The following MAGI3 variants were observed in gnomAD, a reference collection of about 807,000 sequenced individuals.
The protein encoded by MAGI3 is membrane associated guanylate kinase, WW and PDZ domain containing 3, also known as membrane-associated guanylate kinase, WW and PDZ domain-containing protein 3.
In MAGI3, 43 loss-of-function variants were observed where a neutral mutation model predicts 121.8. The observed-to-expected ratio is 0.35, with a 90% confidence interval of 0.28 to 0.46. The LOEUF is 0.46. Ranked by LOEUF, MAGI3 falls within the 20% of genes least tolerant of loss-of-function variation. The pLI is 1.00. For synonymous variants in MAGI3, 553 were observed against 639.3 expected (o/e 0.86, Z 2.04); for missense variants, 1,547 against 1,797.3 (o/e 0.86, Z 2.52).
chr1:113,472,288 C>T (rs566729370), intron 1 of MAGI3, among the ~76,000 whole-genome samples: 88 of 151,762 alleles, frequency 5.8e-4, no homozygotes, highest in African/African-American at 1.8e-3. Flanking sequence ...CTGCAAGCTC[C>T]GCCTCCCGGG....
chr1:113,547,866 C>G (rs1659607373), intron 1 of MAGI3, among the ~76,000 whole-genome samples: 1 of 152,116 alleles, frequency 6.6e-6, no homozygotes, highest in African/African-American at 2.4e-5. Flanking sequence ...TGGTAAATAT[C>G]TTTCAGGTTT....
rs138217257 is a variant in MAGI3 at position 113,481,709 on chromosome 1, G to T, written c.317-67806G>T. 6.6e-5 allele frequency among the ~76,000 whole-genome samples: 10 copies of T among 152,152 alleles called. No individual in the cohort carries two copies. The East Asian group carries it at 1.9e-3, about 29-fold the overall frequency. On this transcript the variant is annotated intron_variant, in intron 1 of 20. Transcript: ENST00000307546. ...TTACCATGCAATCCCATAAACAACT[G>T]CATAATAAACTTAATTCTATTTTTG...
At chr1:113,506,144 G>A (rs533177199) in intron 1 of MAGI3, among the ~76,000 whole-genome samples, 5 of 152,304 alleles carry the variant, frequency 3.3e-5, no homozygotes, top group Admixed American at 1.3e-4. Flanking sequence ...AGTGAGAAAG[G>A]TGTCAGATTT....
chr1:113,670,915 C>A (rs999341687), intron 16 of MAGI3, among the ~76,000 whole-genome samples: 1 of 152,176 alleles, frequency 6.6e-6, no homozygotes, highest in African/African-American at 2.4e-5. Context: ...AAGCTGTGCT[C>A]CCTCTGATAC....
chr1:113,404,862 G>T (rs1475608827), intron 1 of MAGI3, among the ~76,000 whole-genome samples: 2 of 152,002 alleles, frequency 1.3e-5, no homozygotes, highest in East Asian at 3.9e-4. Flanking sequence ...CATCCTACAA[G>T]CCTAGTTTTC....
chr1:113,682,388 C>T, intron 20 of MAGI3: 2 of 1,461,246 alleles, frequency 1.4e-6, no homozygotes, highest in Non-Finnish European at 1.8e-6. Flanking sequence ...CTATTTCTAT[C>T]TTCTGCACTT....
At chr1:113,409,197 T>G (rs1290824589) in intron 1 of MAGI3, among the ~76,000 whole-genome samples, 1 of 151,646 alleles carries the variant, frequency 6.6e-6, no homozygotes, top group Admixed American at 6.6e-5. Context: ...TCCAGTTCAC[T>G]CTCCCAAATT....
At chr1:113,439,373 G>A (rs901140437) in intron 1 of MAGI3, among the ~76,000 whole-genome samples, 2 of 152,202 alleles carry the variant, frequency 1.3e-5, no homozygotes, top group Non-Finnish European at 2.9e-5. Flanking sequence ...TTCCCTCTGT[G>A]CCTTTGCACA....
intron 1 of MAGI3, among the ~76,000 whole-genome samples, chr1:113,469,524 T>C (rs1292023328): frequency 6.6e-6 from 1 of 152,100 alleles, no homozygotes; most frequent in Non-Finnish European, 1.5e-5. Flanking sequence ...TTTTTTTTTT[T>C]CTGTTCGGCA....
chr1:113,544,416 C>T (rs1032775768), intron 1 of MAGI3, among the ~76,000 whole-genome samples: 1 of 152,144 alleles, frequency 6.6e-6, no homozygotes, highest in Admixed American at 6.5e-5. Flanking sequence ...ATGGTTATGC[C>T]CATCCTTTGC....
At chr1:113,427,036 T>C (rs1261449022) in intron 1 of MAGI3, among the ~76,000 whole-genome samples, 1 of 152,164 alleles carries the variant, frequency 6.6e-6, no homozygotes, top group Non-Finnish European at 1.5e-5. Context: ...TATTACTTGT[T>C]ACAGACAGTC....
chr1:113,486,578 C>T (rs1656390057), intron 1 of MAGI3, among the ~76,000 whole-genome samples: 1 of 150,792 alleles, frequency 6.6e-6, no homozygotes, highest in Non-Finnish European at 1.5e-5. Flanking sequence ...TGAGGACTTA[C>T]TATGTATATT....
intron 19 of MAGI3, among the ~76,000 whole-genome samples, chr1:113,676,613 C>T (rs1647880264): frequency 6.6e-6 from 1 of 152,130 alleles, no homozygotes; most frequent in Non-Finnish European, 1.5e-5. Context: ...TGACTTGATA[C>T]AGCTCATGAG....
At chr1:113,506,489 A>G (rs2101603597) in intron 1 of MAGI3, among the ~76,000 whole-genome samples, 1 of 151,570 alleles carries the variant, frequency 6.6e-6, no homozygotes, top group African/African-American at 2.4e-5. Context: ...ACTTGCTTTG[A>G]CCCTCAATGT....
chr1:113,472,861 C>G lies in MAGI3; in HGVS notation c.317-76654C>G, dbSNP rs1268534294. Among the ~76,000 whole-genome samples the G allele has an allele frequency of 2.0e-5, 3 of 152,134 alleles. No homozygotes were observed. In the East Asian group the frequency reaches 5.8e-4, roughly 29 times the overall value. ...CAAAAACTTTACACTTTAACTTTTGCTCCCACCACATTTTATGTAATTGAT... is the reference window on the plus strand; with the variant it reads ...CAAAAACTTTACACTTTAACTTTTGGTCCCACCACATTTTATGTAATTGAT... On this transcript the variant is annotated intron_variant, in intron 1 of 20. Coordinates refer to ENST00000307546, the MANE Select transcript of MAGI3 (RefSeq NM_001142782.2).
intron 8 of MAGI3, among the ~76,000 whole-genome samples, chr1:113,620,417 A>G (rs1460680888): frequency 1.3e-5 from 2 of 152,032 alleles, no homozygotes; most frequent in African/African-American, 4.8e-5. Context: ...ATCCCTCCCC[A>G]TCCCTTTTCC....
intron 6 of MAGI3, among the ~76,000 whole-genome samples, chr1:113,611,274 A>T (rs954742453): frequency 1.3e-5 from 2 of 151,896 alleles, no homozygotes; most frequent in African/African-American, 4.8e-5. Context: ...TTTAGTAGAG[A>T]TAGGGGTTTC....
chr1:113,679,846 C>T (rs1213723717), intron 19 of MAGI3, among the ~76,000 whole-genome samples: 1 of 152,064 alleles, frequency 6.6e-6, no homozygotes, highest in African/African-American at 2.4e-5. Context: ...GCTGGGATTA[C>T]AGGCATGCGC....
chr1:113,485,518 G>T (rs765221805), intron 1 of MAGI3, among the ~76,000 whole-genome samples: 9 of 151,470 alleles, frequency 5.9e-5, no homozygotes, highest in East Asian at 1.9e-4. Flanking sequence ...TGTTTGCTTG[G>T]TTTTTTTTCT....
Sources: gnomAD v4.1 joint callset for allele counts (sites outside exome capture counted in the v4.1 genomes callset) on GRCh38, gnomAD v4.1.1 for gene constraint, MANE v1.5 for transcripts, NCBI Gene and HGNC (gene_info 2026-07-23, HGNC 2026-07-21) for gene names.